The following DIS3L2 variants were observed in gnomAD, a reference collection of about 807,000 sequenced individuals.
DIS3L2 encodes DIS3 like 3'-5' exoribonuclease 2.
DIS3L2 carries 34 observed loss-of-function variants against 97.5 expected under a neutral mutation model. The ratio of observed to expected loss-of-function variants is 0.35; its 90% CI spans 0.27 to 0.46. The LOEUF (loss-of-function observed/expected upper bound fraction) is 0.46. Among genes scored for constraint, DIS3L2 ranks in the 20% least tolerant of loss-of-function variants. The pLI is 1.00. For missense variants in DIS3L2, 1,038 were observed against 1,146.0 expected, an observed-to-expected ratio of 0.91 and a Z score of 1.36; for synonymous variants, 435 against 445.2, an observed-to-expected ratio of 0.98 and a Z score of 0.29.
At chr2:232,329,785 T>TGCCCGGGG in intron 14 of DIS3L2, 28 bp from the exon 15 acceptor site, 74 of 967,034 alleles carry the variant, frequency 7.7e-5, no homozygotes, top group East Asian at 1.2e-4. Context: ...ACCCCAGCGG[T>TGCCCGGGG]CCCTCCCATC....
intron 1 of DIS3L2, among the ~76,000 whole-genome samples, chr2:231,999,100 C>G (rs900536921): frequency 6.6e-6 from 1 of 152,216 alleles, no homozygotes; most frequent in Non-Finnish European, 1.5e-5. Flanking sequence ...AACTGTTTAA[C>G]TCTGCCCTTG....
chr2:232,338,048 G>A (rs1575031495), downstream of DIS3L2, among the ~76,000 whole-genome samples: 2 of 151,876 alleles, frequency 1.3e-5, no homozygotes, highest in East Asian at 3.9e-4. Context: ...GGGACAGACA[G>A]GCGAGCGTCT....
chr2:232,269,813 C>G lies in DIS3L2; in HGVS notation c.1659+6373C>G, dbSNP rs1329743602. The stretch of plus-strand genomic sequence containing the variant: ...AGGCCTTGGAGTCTGTAGGAATGAA[C>G]CAGGGCAGCTATGGAATGATTTTAA... On this transcript the variant is annotated intron_variant, in intron 13 of 20. Transcript: ENST00000325385. This position sits in a 1 kb window ranked among gnomAD's most constrained non-coding sequence, Gnocchi z 4.5. 6.6e-6 allele frequency among the ~76,000 whole-genome samples: 1 copy of G among 151,964 alleles called. No individual in the cohort carries two copies. The highest frequency in any genetic ancestry group is 2.4e-5 in the African/African-American group (1 of 41,328).
At chr2:232,182,726 T>C (rs979968129) in intron 9 of DIS3L2, among the ~76,000 whole-genome samples, 2 of 152,204 alleles carry the variant, frequency 1.3e-5, no homozygotes, top group African/African-American at 4.8e-5. Context: ...TGCTATTAGT[T>C]TGGCTACTCC....
At chr2:232,099,006 G>A (rs1439255400) in intron 6 of DIS3L2, among the ~76,000 whole-genome samples, 1 of 151,612 alleles carries the variant, frequency 6.6e-6, no homozygotes, top group Non-Finnish European at 1.5e-5. Context: ...TTTTATTAAG[G>A]CAAATCTTTT....
At chr2:231,973,882 TAAC>T (rs1393165479) in intron 1 of DIS3L2, among the ~76,000 whole-genome samples, 1 of 152,020 alleles carries the variant, frequency 6.6e-6, no homozygotes, top group Non-Finnish European at 1.5e-5. Flanking sequence ...ACAACAACTA[TAAC>T]AACAACCACA....
chr2:232,035,283 G>C (rs533429384), intron 5 of DIS3L2, among the ~76,000 whole-genome samples: 1 of 152,150 alleles, frequency 6.6e-6, no homozygotes, highest in East Asian at 1.9e-4. Flanking sequence ...GATCTTTGTT[G>C]GTTTAAAGTC....
chr2:232,251,844 G>A (rs1693426779), intron 12 of DIS3L2, among the ~76,000 whole-genome samples: 2 of 152,134 alleles, frequency 1.3e-5, no homozygotes, highest in Non-Finnish European at 2.9e-5. Flanking sequence ...AAAAAGGGTA[G>A]GAAAGGACAT....
chr2:232,098,674 T>G (rs1167292698), intron 6 of DIS3L2, among the ~76,000 whole-genome samples: 1 of 152,154 alleles, frequency 6.6e-6, no homozygotes, highest in Admixed American at 6.5e-5. Flanking sequence ...ATTTTTGTAA[T>G]ATAGATTAAG....
chr2:232,292,125 G>A lies in DIS3L2; in HGVS notation c.1660-7915G>A, dbSNP rs72998165. Among the ~76,000 whole-genome samples the A allele has an allele frequency of 2.0e-5, 3 of 152,190 alleles. No homozygotes were observed. The highest frequency in any genetic ancestry group is 2.9e-5 in the Non-Finnish European group (2 of 68,002). On this transcript the variant is annotated intron_variant, in intron 13 of 20. Coordinates refer to ENST00000325385, the MANE Select transcript of DIS3L2 (RefSeq NM_152383.5). This position sits in a 1 kb window ranked among gnomAD's most constrained non-coding sequence, Gnocchi z 4.4. ...ACACTTTCCTGTCTTGTCTCGTCAC[G>A]CTTCTGGTTATTCTTATGAATGTAG...
intron 5 of DIS3L2, among the ~76,000 whole-genome samples, chr2:232,079,628 A>G (rs111839041): frequency 0.011 from 1,507 of 141,178 alleles, 43 homozygotes; most frequent in African/African-American, 0.04. Flanking sequence ...AAAAAAAAGT[A>G]AAGAAAAGAA....
In DIS3L2 at chr2:232,328,188, A is replaced by G. The variant is rs539523890; in HGVS notation, c.1740-1625A>G. On this transcript the variant is annotated intron_variant, in intron 14 of 20. Coordinates refer to ENST00000325385, the MANE Select transcript of DIS3L2 (RefSeq NM_152383.5). ...TTACCTGCTGGGTGTCCTGTGTGGT[A>G]GAAGGGCAGGCTGAAGCTTGATCCT... Among the ~76,000 whole-genome samples the G allele has an allele frequency of 3.3e-5, 5 of 152,314 alleles. No individual in the cohort carries two copies. In the South Asian group the frequency reaches 1.0e-3, roughly 32 times the overall value.
chr2:232,145,256 T>C (rs1308057334), intron 8 of DIS3L2, among the ~76,000 whole-genome samples: 1 of 152,188 alleles, frequency 6.6e-6, no homozygotes, highest in African/African-American at 2.4e-5. Flanking sequence ...GTGAGTTGTC[T>C]TTTCCTGTTA....
intron 6 of DIS3L2, among the ~76,000 whole-genome samples, chr2:232,110,185 A>C (rs1443153755): frequency 6.6e-6 from 1 of 152,214 alleles, no homozygotes; most frequent in Admixed American, 6.5e-5. Context: ...TAAAAAGTCA[A>C]AAAACAACAG....
intron 1 of DIS3L2, among the ~76,000 whole-genome samples, chr2:232,004,390 TTTG>T (rs953913004): frequency 1.8e-4 from 28 of 152,066 alleles, no homozygotes; most frequent in Non-Finnish European, 5.9e-5. Context: ...TGTTTGACCT[TTTG>T]TTGTTGTCCT....
chr2:232,018,828 T>C (rs1694426623), intron 3 of DIS3L2, among the ~76,000 whole-genome samples: 1 of 152,220 alleles, frequency 6.6e-6, no homozygotes. Context: ...TTTCCAGTGT[T>C]TGAAATGGCA....
At chr2:232,038,680 C>T (rs1433238937) in intron 5 of DIS3L2, among the ~76,000 whole-genome samples, 2 of 152,170 alleles carry the variant, frequency 1.3e-5, no homozygotes, top group Non-Finnish European at 2.9e-5. Context: ...TAGAAGTGCT[C>T]TTGCTTCAGG....
intron 9 of DIS3L2, among the ~76,000 whole-genome samples, chr2:232,202,137 C>T (rs533979315): frequency 3.3e-4 from 50 of 152,316 alleles, no homozygotes; most frequent in Middle Eastern, 3.4e-3. Flanking sequence ...TGATGGCTCA[C>T]GCCTGTAATC....
intron 6 of DIS3L2, among the ~76,000 whole-genome samples, chr2:232,119,431 G>C (rs1336472442): frequency 1.3e-5 from 2 of 152,180 alleles, no homozygotes; most frequent in African/African-American, 4.8e-5. Context: ...GAAAAATTCA[G>C]ATGGAAGTCT....
Sources: gnomAD v4.1 joint callset for allele counts (sites outside exome capture counted in the v4.1 genomes callset) on GRCh38, gnomAD v4.1.1 for gene constraint, Gnocchi (gnomAD v3.1) non-coding constraint, MANE v1.5 for transcripts, NCBI Gene and HGNC (gene_info 2026-07-23, HGNC 2026-07-21) for gene names.